The following PRTN3 variants were observed in gnomAD, a reference collection of about 807,000 sequenced individuals.
PRTN3 encodes the protein myeloblastin.
A neutral mutation model predicts 20.7 loss-of-function variants in PRTN3; 22 were observed. The observed-to-expected ratio is 1.06, with a 90% CI of 0.76 to 1.52. The LOEUF is 1.52. Ranked by LOEUF, PRTN3 falls within the 40% of genes most tolerant of loss-of-function variation. The pLI, the probability that PRTN3 is intolerant of heterozygous loss-of-function variation, is 0.00. For synonymous variants in PRTN3, 173 were observed against 152.9 expected (o/e 1.13, Z -0.97); for missense variants, 378 against 359.6 (o/e 1.05, Z -0.41).
intron 1 of PRTN3, among the ~76,000 whole-genome samples, chr19:841,352 G>A (rs983932838): frequency 6.6e-6 from 1 of 152,222 alleles, no homozygotes; most frequent in East Asian, 1.9e-4. Flanking sequence ...AGTAACAGGC[G>A]AATTCCTGGA....
chr19:848,129 G>T lies in PRTN3; in HGVS notation c.*160G>T. The T allele has an allele frequency of 1.1e-6, 1 of 878,840 alleles. No individual in the cohort carries two copies. The highest frequency in any genetic ancestry group is 1.8e-5 in the South Asian group (1 of 56,038). The allele number at this position is 878,840 out of a possible 1,614,324, so 54.4% of individuals were successfully genotyped here. ...CCCACGGGGCTCCGGGAGACAGGCCGGCCCTGCACCTCACCCCACCGTGAC... is the reference window on the plus strand; with the variant it reads ...CCCACGGGGCTCCGGGAGACAGGCCTGCCCTGCACCTCACCCCACCGTGAC... On this transcript the variant is annotated 3_prime_UTR_variant, in exon 5 of 5. Coordinates refer to ENST00000234347, the MANE Select transcript of PRTN3 (RefSeq NM_002777.4).
Position 846,371 on chromosome 19 carries a change from C to T in PRTN3, c.594C>T (p.Ile198=). 6.4e-7 allele frequency: 1 copy of T among 1,553,678 alleles called. No individual in the cohort carries two copies. The highest frequency in any genetic ancestry group is 8.7e-7 in the Non-Finnish European group (1 of 1,149,410). The part of the protein sequence containing the change: ...CTFVPRRKAG[I]CFGDSGGPLI... ...TCGTCCCTCGCCGCAAGGCCGGCAT[C>T]TGCTTCGTAAGTAACCGTGCCCCCA... The change falls in exon 4 of 5, where the codon ATC becomes ATT. Residue 198 remains isoleucine (I), a synonymous_variant. Transcript: ENST00000234347.
Position 847,831 on chromosome 19 carries a change from C to T in PRTN3, c.633C>T (p.Gly211=), listed in dbSNP as rs1219281164. The T allele has an allele frequency of 1.2e-6, 2 of 1,609,608 alleles. No individual in the cohort carries two copies. The highest frequency in any genetic ancestry group is 1.7e-6 in the Non-Finnish European group (2 of 1,177,848). The change falls in exon 5 of 5, where the codon GGC becomes GGT. Residue 211 remains glycine, a synonymous_variant. Coordinates refer to ENST00000234347, the MANE Select transcript of PRTN3 (RefSeq NM_002777.4). ...CAGGTGGCCCCCTGATCTGTGATGG[C>T]ATCATCCAAGGAATAGACTCCTTCG... The part of the protein sequence containing the change: ...GDSGGPLICD[G]IIQGIDSFVI...
intron 2 of PRTN3, 126 bp from the exon 3 acceptor site, chr19:843,767 G>A (rs558183926): frequency 5.6e-5 from 81 of 1,452,654 alleles, no homozygotes; most frequent in Non-Finnish European, 6.8e-5. Context: ...GGGCAGTTCT[G>A]GGGGGAGGCC....
Position 844,726 on chromosome 19 carries a change from C to T in PRTN3, c.369+692C>T, listed in dbSNP as rs143613628. On this transcript the variant is annotated intron_variant, in intron 3 of 4. Coordinates refer to ENST00000234347, the MANE Select transcript of PRTN3 (RefSeq NM_002777.4). ...CTCCCACCCAGAAAGATCAGCTCCC[C>T]AGGGCAGAGGATTTTTGTCTGTGTT... Among the ~76,000 whole-genome samples the T allele has an allele frequency of 9.2e-3, 1,387 of 151,376 alleles. 32 individuals carry two copies. The highest frequency in any genetic ancestry group is 0.032 in the African/African-American group (1,326 of 41,234).
chr19:841,814 G>C (rs12986070), intron 1 of PRTN3, among the ~76,000 whole-genome samples: 5 of 129,116 alleles, frequency 3.9e-5, no homozygotes, highest in African/African-American at 5.9e-5. Flanking sequence ...TGCAAGCTCA[G>C]CCTCCCGGGT....
rs1039352773 is a variant in PRTN3, at chr19:847,887, C to A, written c.689C>A (p.Pro230His). The change falls in exon 5 of 5, where the codon CCT (proline) becomes CAT (histidine). Residue 230 changes from proline (P) to histidine (H), a missense_variant. Physicochemically the swap from Pro to His is moderately conservative, Grantham distance 77. Transcript: ENST00000234347. ...TGGGGATGTGCCACCCGCCTTTTCCCTGACTTCTTCACGCGGGTAGCCCTC... is the reference window on the plus strand; with the variant it reads ...TGGGGATGTGCCACCCGCCTTTTCCATGACTTCTTCACGCGGGTAGCCCTC... ...VIWGCATRLF[P>H]DFFTRVALYV... is the part of the protein sequence containing the mutation. 3.7e-6 allele frequency: 6 copies of A among 1,608,732 alleles called. No individual in the cohort carries two copies. The highest frequency in any genetic ancestry group is 5.1e-6 in the Non-Finnish European group (6 of 1,177,434).
intron 1 of PRTN3, 152 bp downstream of exon 1, chr19:841,221 G>C (rs1180555787): frequency 1.9e-6 from 2 of 1,076,320 alleles, no homozygotes; most frequent in African/African-American, 3.1e-5. Context: ...CGGGACCAAC[G>C]CTTGCAGGGG....
chr19:841,007 C>A lies in PRTN3; in HGVS notation c.-2C>A. The A allele has an allele frequency of 6.2e-7, 1 of 1,609,304 alleles. No homozygotes were observed. The highest frequency in any genetic ancestry group is 8.5e-7 in the Non-Finnish European group (1 of 1,179,610). ...GACCGTGGGTGCACCCTGGACCCCA[C>A]CATGGCTCACCGGCCCCCCAGCCCT... On this transcript the variant is annotated 5_prime_UTR_variant, in exon 1 of 5. Coordinates refer to ENST00000234347, the MANE Select transcript of PRTN3 (RefSeq NM_002777.4).
chr19:847,912 CT>C lies in PRTN3; in HGVS notation c.715del (p.Tyr239ThrfsTer80). 6.2e-7 allele frequency: 1 copy of C among 1,608,246 alleles called. No individual in the cohort carries two copies. The highest frequency in any genetic ancestry group is 1.7e-5 in the Admixed American group (1 of 59,410). On this transcript the variant is annotated frameshift_variant, in exon 5 of 5. Transcript: ENST00000234347. LOFTEE classifies it low-confidence loss of function (END_TRUNC). ...CTGACTTCTTCACGCGGGTAGCCCT[CT>C]ACGTGGACTGGATCCGTTCCACGCT... The part of the protein sequence containing the change: ...FPDFFTRVAL[Y>X]VDWIRSTLRR...
chr19:843,390 G>A (rs954811060), intron 1 of PRTN3, 71 bp from the exon 2 acceptor site: 96 of 1,445,138 alleles, frequency 6.6e-5, no homozygotes, highest in Non-Finnish European at 8.6e-5. Context: ...GAGAGGCCCA[G>A]GGGCTGCTCT....
Position 846,096 on chromosome 19 carries a change from G to A in PRTN3, c.370-51G>A, listed in dbSNP as rs1409654437. On this transcript the variant is annotated intron_variant, in intron 3 of 4. Transcript: ENST00000234347. ...GTGTGGTGGGAGGGCGGCCCGGGCG[G>A]CCACCGTGACCTGGAAGCAGCGTCT... 9.5e-6 allele frequency: 13 copies of A among 1,365,492 alleles called. No homozygotes were observed. The South Asian group carries it at 1.6e-4, about 17-fold the overall frequency. 84.6% of individuals were successfully genotyped at this position (1,365,492 alleles called of 1,614,324 possible).
rs1212355280 is a variant in PRTN3 at position 841,540 on chromosome 19, GTGAGTGAATGAATGAGTGAA to G, written c.61+503_61+522del. Reference sequence around the variant, plus strand: ...AATGAATGAGTGAATGAATCAATGAGTGAGTGAATGAATGAGTGAATGAGTGAATGAATGAGTGAATGAGT... The same window carrying G: ...AATGAATGAGTGAATGAATCAATGAGTGAGTGAATGAATGAGTGAATGAGT... On this transcript the variant is annotated intron_variant, in intron 1 of 4. Coordinates refer to ENST00000234347, the MANE Select transcript of PRTN3 (RefSeq NM_002777.4). Among the ~76,000 whole-genome samples, 132 of 53,860 alleles carry G rather than the reference GTGAGTGAATGAATGAGTGAA, an allele frequency of 2.5e-3. 3 individuals carry two copies. In the East Asian group the frequency reaches 0.048, roughly 20 times the overall value. 35.3% of individuals were successfully genotyped at this position (53,860 alleles called of 152,430 possible). A position where few individuals can be genotyped will look rare whatever the true frequency, so the allele number is the denominator to read the frequency against.
In PRTN3 at chr19:844,040, C is replaced by A. The variant is rs1244178872; in HGVS notation, c.369+6C>A. ...ACGACGTTCTCCTCATCCAGGTGGG[C>A]GGGCAGGGCCGCGAGGGCTCGGAGG... is the stretch of plus-strand genomic sequence containing the variant. On this transcript the variant is annotated splice_donor_region_variant and intron_variant, in intron 3 of 4. Transcript: ENST00000234347. 6.3e-7 allele frequency: 1 copy of A among 1,598,520 alleles called. No individual in the cohort carries two copies. The highest frequency in any genetic ancestry group is 1.1e-5 in the South Asian group (1 of 88,450).
intron 1 of PRTN3, 40 bp downstream of exon 1, chr19:841,109 C>G (rs781010698): frequency 1.3e-6 from 2 of 1,593,954 alleles, no homozygotes; most frequent in South Asian, 1.1e-5. Context: ...CCTCCAGGCC[C>G]CGGTGGATTG....
rs569655201 is a variant in PRTN3 at position 843,541 on chromosome 19, C to A, written c.142C>A (p.Arg48=). 1 of 1,596,566 alleles carries A rather than the reference C, an allele frequency of 6.3e-7. No homozygotes were observed. The highest frequency in any genetic ancestry group is 8.5e-7 in the Non-Finnish European group (1 of 1,174,310). Reference sequence around the variant, plus strand: ...GCCCTACATGGCCTCCCTGCAGATGCGGGGGAACCCGGGCAGCCACTTCTG... The same window carrying A: ...GCCCTACATGGCCTCCCTGCAGATGAGGGGGAACCCGGGCAGCCACTTCTG... ...SRPYMASLQM[R]GNPGSHFCGG... The change falls in exon 2 of 5, where the codon CGG becomes AGG. Residue 48 remains arginine (R), a synonymous_variant. Coordinates refer to ENST00000234347, the MANE Select transcript of PRTN3 (RefSeq NM_002777.4).
At chr19:845,867 A>G (rs959027592) in intron 3 of PRTN3, among the ~76,000 whole-genome samples, 4 of 151,526 alleles carry the variant, frequency 2.6e-5, no homozygotes, top group African/African-American at 9.7e-5. Context: ...ACCTCACCCA[A>G]TGGGATGGCT....
chr19:841,800 T>C (rs2035445061), intron 1 of PRTN3, among the ~76,000 whole-genome samples: 1 of 137,940 alleles, frequency 7.2e-6, no homozygotes, highest in Non-Finnish European at 1.6e-5. Context: ...CGATCTCGGC[T>C]CACTGCAAGC....
At chr19:846,492 C>A (rs998117595) in intron 4 of PRTN3, 115 bp downstream of exon 4, 32 of 1,124,784 alleles carry the variant, frequency 2.8e-5, no homozygotes, top group Non-Finnish European at 3.7e-5. Flanking sequence ...CTCAGTCTCC[C>A]CACCTGGAAG....
Sources: allele counts gnomAD v4.1 joint callset (sites outside exome capture counted in the v4.1 genomes callset), GRCh38; gene constraint gnomAD v4.1.1; transcripts MANE v1.5; gene names NCBI Gene and HGNC (gene_info 2026-07-23, HGNC 2026-07-21).